ATP4B: variants seen among roughly 807,000 people sequenced by gnomAD.
The protein encoded by ATP4B is ATPase H+/K+ transporting subunit beta.
ATP4B carries 27 observed loss-of-function variants against 35.3 expected under a neutral mutation model. That is an observed-to-expected ratio of 0.76 (90% CI 0.56 to 1.05). ATP4B has a LOEUF of 1.05. ATP4B is among the 50% of genes least tolerant of loss of function. ATP4B has a pLI of 0.00. For missense variants in ATP4B, 375 were observed against 384.8 expected (o/e 0.97, Z 0.21); for synonymous variants, 162 against 156.0 (o/e 1.04, Z -0.29).
intron 1 of ATP4B, among the ~76,000 whole-genome samples, chr13:113,656,654 C>T (rs1323547850): frequency 1.3e-5 from 2 of 152,196 alleles, no homozygotes; most frequent in South Asian, 2.1e-4. Flanking sequence ...ACCCGTCCCC[C>T]AATTAGTAAG....
intron 5 of ATP4B, 64 bp downstream of exon 5, chr13:113,651,607 A>T (rs1594561033): frequency 6.7e-7 from 1 of 1,488,732 alleles, no homozygotes; most frequent in Non-Finnish European, 9.0e-7. Context: ...CCCAGCATGA[A>T]CCAGCACGAC....
At chr13:113,652,023 G>A (rs536135249) in intron 4 of ATP4B, among the ~76,000 whole-genome samples, 3 of 152,254 alleles carry the variant, frequency 2.0e-5, no homozygotes, top group East Asian at 1.9e-4. Context: ...CTTAGCCCTC[G>A]AACCATGTCC....
chr13:113,657,486 G>A (rs937241132), intron 1 of ATP4B, among the ~76,000 whole-genome samples: 16 of 152,220 alleles, frequency 1.1e-4, no homozygotes, highest in Admixed American at 7.2e-4. Flanking sequence ...GGCTGCCCGC[G>A]CCTCTGTGCA....
In ATP4B at chr13:113,654,974, C is replaced by T. The variant is rs756069472; in HGVS notation, c.113-32G>A. On this transcript the variant is annotated intron_variant, in intron 1 of 6. Coordinates refer to ENST00000335288, the MANE Select transcript of ATP4B (RefSeq NM_000705.4). ...CACAAGGCAGGCACAAAATTTACCACGTCAGCCATTTTAACGCACACAATT... is the reference window on the plus strand; with the variant it reads ...CACAAGGCAGGCACAAAATTTACCATGTCAGCCATTTTAACGCACACAATT... The T allele has an allele frequency of 1.4e-5, 23 of 1,612,572 alleles. No individual in the cohort carries two copies. In the East Asian group the frequency reaches 2.2e-4, roughly 16 times the overall value.
Position 113,653,329 on chromosome 13 carries a change from A to G in ATP4B, c.347T>C (p.Phe116Ser), listed in dbSNP as rs1181774755. 1 of 1,611,040 alleles carries G rather than the reference A, an allele frequency of 6.2e-7. No individual in the cohort carries two copies. Among genetic ancestry groups the G allele is most frequent in the Non-Finnish European group, 8.5e-7 (1 of 1,178,504 alleles). The change falls in exon 3 of 7, where the codon TTC becomes TCC. Residue 116 changes from phenylalanine (F) to serine (S), a missense_variant. Phe to Ser is a radical substitution (Grantham distance 155). Transcript: ENST00000335288. ...WADLTQTLHA[F>S]LAGYSPAAQE... is the part of the protein sequence containing the mutation. ...GCCGTTTCACACCTCACCTGCTAGG[A>G]AGGCGTGGAGAGTCTGTGTGAGGTC...
At chr13:113,652,767 T>G in intron 4 of ATP4B, 106 bp downstream of exon 4, 2 of 1,352,482 alleles carry the variant, frequency 1.5e-6, no homozygotes, top group South Asian at 2.5e-5. Context: ...CCTGTCCCGC[T>G]TGGGCAAGCC....
At chr13:113,652,823 C>CCCTG (rs756791181) in intron 4 of ATP4B, 50 bp downstream of exon 4, 1 of 1,597,042 alleles carries the variant, frequency 6.3e-7, no homozygotes. Context: ...GGGTGAGAGG[C>CCCTG]CCTGACTGCA....
chr13:113,656,358 G>T (rs546338182), intron 1 of ATP4B, among the ~76,000 whole-genome samples: 1 of 152,278 alleles, frequency 6.6e-6, no homozygotes, highest in Non-Finnish European at 1.5e-5. Flanking sequence ...CAGTGGAGAT[G>T]TGGGCGGTGC....
intron 2 of ATP4B, among the ~76,000 whole-genome samples, chr13:113,654,436 T>C (rs1033581986): frequency 1.3e-5 from 2 of 152,176 alleles, no homozygotes; most frequent in Non-Finnish European, 2.9e-5. Context: ...TTCCTGTGCG[T>C]CCTTGCAGAA....
rs140567683 is a variant in ATP4B, at chr13:113,650,853, G to T, written c.613-346C>A. Among the ~76,000 whole-genome samples, 1 of 152,144 alleles carries T rather than the reference G, an allele frequency of 6.6e-6. No individual in the cohort carries two copies. Among genetic ancestry groups the T allele is most frequent in the African/African-American group, 2.4e-5 (1 of 41,432 alleles). ...GCAAGGGCTGGTTTGCCAAAACTGG[G>T]TTACAAGTTGGTGTGAGTGGGGCAA... is the stretch of plus-strand genomic sequence containing the variant. On this transcript the variant is annotated intron_variant, in intron 5 of 6. Transcript: ENST00000335288. This position sits in a 1 kb window ranked among gnomAD's most constrained non-coding sequence, Gnocchi z 5.0.
At chr13:113,653,159 C>G (rs967073339) in intron 3 of ATP4B, 87 bp from the exon 4 acceptor site, 1 of 1,489,494 alleles carries the variant, frequency 6.7e-7, no homozygotes, top group Non-Finnish European at 9.1e-7. Flanking sequence ...GCCCTGAGTG[C>G]GAGTTTCTCA....
chr13:113,649,905 G>A lies in ATP4B; in HGVS notation c.715-370C>T, dbSNP rs1009660505. Reference sequence around the variant, plus strand: ...AGGCTGGGCGCAGTGGCTCATGCCTGTAATCCTAGCACTTTGGGAGCCTGA... The same window carrying A: ...AGGCTGGGCGCAGTGGCTCATGCCTATAATCCTAGCACTTTGGGAGCCTGA... On this transcript the variant is annotated intron_variant, in intron 6 of 6. Transcript: ENST00000335288. The surrounding 1 kb of genome is among the most constrained non-coding windows in gnomAD (Gnocchi z 4.7). Among the ~76,000 whole-genome samples, 4 of 152,208 alleles carry A rather than the reference G, an allele frequency of 2.6e-5. No individual in the cohort carries two copies. Among genetic ancestry groups the A allele is most frequent in the African/African-American group, 9.7e-5 (4 of 41,450 alleles).
chr13:113,654,918 G>A lies in ATP4B; in HGVS notation c.137C>T (p.Ala46Val). The change falls in exon 2 of 7, where the codon GCC (alanine) becomes GTC (valine). Residue 46 changes from alanine to valine, a missense_variant. Transcript: ENST00000335288. ...RWVWISLYYV[A>V]FYVVMTGLFA... ...GAGCCCAGTCATCACCACGTAGAAGGCCACGTAGTACAGGCTGATCCACAC... is the reference window on the plus strand; with the variant it reads ...GAGCCCAGTCATCACCACGTAGAAGACCACGTAGTACAGGCTGATCCACAC... 1.9e-6 allele frequency: 3 copies of A among 1,614,198 alleles called. No homozygotes were observed. The highest frequency in any genetic ancestry group is 2.5e-6 in the Non-Finnish European group (3 of 1,180,028).
At chr13:113,652,706 C>T (rs540266340) in intron 4 of ATP4B, 167 bp downstream of exon 4, 3 of 759,552 alleles carry the variant, frequency 3.9e-6, no homozygotes, top group South Asian at 2.9e-5. Flanking sequence ...CTAAGAACCA[C>T]ACGGGACAGG....
In ATP4B at chr13:113,651,670, C is replaced by G. The variant is rs766621067; in HGVS notation, c.612+1G>C. 6.2e-7 allele frequency: 1 copy of G among 1,612,350 alleles called. No individual in the cohort carries two copies. The highest frequency in any genetic ancestry group is 8.5e-7 in the Non-Finnish European group (1 of 1,179,238). ...CCTGCCCGCCGCGCGGCCGTACTCA[C>G]CAGGAAGGCGCAGTCCACTCTGGGG... is the stretch of plus-strand genomic sequence containing the variant. On this transcript the variant is annotated splice_donor_variant, in intron 5 of 6. Transcript: ENST00000335288. LOFTEE classifies it high-confidence loss of function.
rs1017149769 is a variant in ATP4B, at chr13:113,649,196, C to T, written c.*178G>A. On this transcript the variant is annotated 3_prime_UTR_variant, in exon 7 of 7. Transcript: ENST00000335288. This position sits in a 1 kb window ranked among gnomAD's most constrained non-coding sequence, Gnocchi z 4.7. ...AGAATTCAACAAGGAAGAACTGATA[C>T]TCGCGAGCAGGTCCTTCAGATGTGG... The T allele has an allele frequency of 5.1e-6, 3 of 587,842 alleles. No individual in the cohort carries two copies. The highest frequency in any genetic ancestry group is 8.4e-6 in the Non-Finnish European group (3 of 355,598). 36.4% of individuals were successfully genotyped at this position (587,842 alleles called of 1,614,324 possible).
In ATP4B at chr13:113,658,179, G is replaced by A; in HGVS notation, c.-35C>T. 1 of 1,582,522 alleles carries A rather than the reference G, an allele frequency of 6.3e-7. No homozygotes were observed. The highest frequency in any genetic ancestry group is 8.6e-7 in the Non-Finnish European group (1 of 1,160,786). On this transcript the variant is annotated 5_prime_UTR_variant, in exon 1 of 7. Coordinates refer to ENST00000335288, the MANE Select transcript of ATP4B (RefSeq NM_000705.4). ...CCTGAGATCCTCCCGTCTGCTCCCT[G>A]CACCCTCTACGCCCAGACTGAGGCC... is the stretch of plus-strand genomic sequence containing the variant.
intron 1 of ATP4B, among the ~76,000 whole-genome samples, chr13:113,657,207 A>G (rs1042759820): frequency 2.7e-5 from 4 of 150,114 alleles, no homozygotes; most frequent in Non-Finnish European, 1.5e-5. Flanking sequence ...CGGCTCTGGG[A>G]CCCCCAGAGC....
chr13:113,652,664 C>G lies in ATP4B; in HGVS notation c.555+209G>C, dbSNP rs189102329. 261 of 677,402 alleles carry G rather than the reference C, an allele frequency of 3.9e-4. No homozygotes were observed. In the East Asian group the frequency reaches 4.1e-3, roughly 11 times the overall value. The allele number at this position is 677,402 out of a possible 1,614,324, so 42.0% of individuals were successfully genotyped here. ...CATGTTTTAGAGGGCCGGCTATGTG[C>G]TGGTGTCTGACGAGTGGTTTCAAAT... On this transcript the variant is annotated intron_variant, in intron 4 of 6. Coordinates refer to ENST00000335288, the MANE Select transcript of ATP4B (RefSeq NM_000705.4).
Sources: gnomAD v4.1 joint callset for allele counts (sites outside exome capture counted in the v4.1 genomes callset) on GRCh38, gnomAD v4.1.1 for gene constraint, Gnocchi (gnomAD v3.1) non-coding constraint, MANE v1.5 for transcripts, NCBI Gene and HGNC (gene_info 2026-07-23, HGNC 2026-07-21) for gene names.